The following TTLL7 variants were observed in gnomAD, a reference collection of about 807,000 sequenced individuals.
TTLL7 encodes the protein tubulin polyglutamylase TTLL7.
A neutral mutation model predicts 120.2 loss-of-function variants in TTLL7; 53 were observed. The observed-to-expected ratio is 0.44, with a 90% CI of 0.35 to 0.55. TTLL7 has a LOEUF of 0.55. TTLL7 is among the 20% of genes least tolerant of loss of function. The pLI, the probability that TTLL7 is intolerant of heterozygous loss-of-function variation, is 0.00. For synonymous variants in TTLL7, 353 were observed against 351.7 expected, an observed-to-expected ratio of 1.00 and a Z score of -0.04; for missense variants, 803 against 1,054.7, an observed-to-expected ratio of 0.76 and a Z score of 3.31.
chr1:83,866,328 T>C lies in TTLL7; in HGVS notation c.*3634A>G, dbSNP rs996922136. 1 of 151,900 alleles carries C rather than the reference T, an allele frequency of 6.6e-6. No individual in the cohort carries two copies. The highest frequency in any genetic ancestry group is 1.5e-5 in the Non-Finnish European group (1 of 67,786). The allele number at this position is 151,900 out of a possible 1,614,324, so 9.4% of individuals were successfully genotyped here. On this transcript the variant is annotated 3_prime_UTR_variant, in exon 21 of 21. Coordinates refer to ENST00000260505, the MANE Select transcript of TTLL7 (RefSeq NM_024686.6). ...AAAGAAATTTTTTAACTATTAGTAC[T>C]TTGACATGCTAAAGAAGAACGTATT...
intron 14 of TTLL7, among the ~76,000 whole-genome samples, chr1:83,914,602 T>A (rs1029865762): frequency 6.6e-6 from 1 of 152,114 alleles, no homozygotes; most frequent in Non-Finnish European, 1.5e-5. Context: ...AGTGCTGGGA[T>A]TAGAGGCGTG....
chr1:83,948,797 A>C, intron 4 of TTLL7, 102 bp from the exon 5 acceptor site: 1 of 740,948 alleles, frequency 1.3e-6, no homozygotes, highest in South Asian at 2.1e-5. Flanking sequence ...ATGTTTTAAT[A>C]AACTGCCAAT....
intron 1 of TTLL7, among the ~76,000 whole-genome samples, chr1:83,966,226 A>G (rs990575970): frequency 2.0e-5 from 3 of 152,062 alleles, no homozygotes; most frequent in African/African-American, 7.2e-5. Context: ...TCTGCCTCAC[A>G]CCATCTTTTG....
chr1:83,918,822 G>A (rs1658405088), intron 13 of TTLL7, among the ~76,000 whole-genome samples: 2 of 152,122 alleles, frequency 1.3e-5, no homozygotes. Context: ...GCAGAGATGA[G>A]TGGCCATTTT....
At position 83,907,589 on chromosome 1, in the gene TTLL7, G is replaced by A. The variant is rs1657308931; in HGVS notation, c.1859C>T (p.Pro620Leu). The A allele has an allele frequency of 6.2e-7, 1 of 1,613,228 alleles. No homozygotes were observed. The change falls in exon 16 of 21, where the codon CCA becomes CTA. Residue 620 changes from proline (P) to leucine (L), a missense_variant. Coordinates refer to ENST00000260505, the MANE Select transcript of TTLL7 (RefSeq NM_024686.6). Reference sequence around the variant, plus strand: ...AGATATCATTTGTTGAGCAGAAAATGGGCGGGTGTCCCCACTGGAAGGTGA... The same window carrying A: ...AGATATCATTTGTTGAGCAGAAAATAGGCGGGTGTCCCCACTGGAAGGTGA... ...AQSPSSGDTRPFSAQQMISVS... is the reference protein window; with the variant it reads ...AQSPSSGDTRLFSAQQMISVS...
chr1:83,998,762 A>G (rs961229264), intron 1 of TTLL7, among the ~76,000 whole-genome samples, 169 bp downstream of exon 1: 1 of 151,990 alleles, frequency 6.6e-6, no homozygotes, highest in Non-Finnish European at 1.5e-5. Context: ...GTGCTGAATC[A>G]TTTGCACGAA....
chr1:83,945,020 A>G (rs1475759051), intron 6 of TTLL7, among the ~76,000 whole-genome samples: 4 of 152,210 alleles, frequency 2.6e-5, no homozygotes, highest in African/African-American at 9.6e-5. Context: ...AAAAGAAATG[A>G]CAAGGGAATT....
chr1:83,882,048 T>C (rs1282745670), intron 20 of TTLL7, among the ~76,000 whole-genome samples: 1 of 125,344 alleles, frequency 8.0e-6, no homozygotes, highest in East Asian at 2.4e-4. Context: ...TGAGAACACA[T>C]GGACACAGGA....
At chr1:83,884,101 A>T (rs1460912891) in intron 19 of TTLL7, among the ~76,000 whole-genome samples, 3 of 151,722 alleles carry the variant, frequency 2.0e-5, no homozygotes, top group African/African-American at 7.3e-5. Context: ...GGTTTATATC[A>T]GGAAACACCT....
intron 18 of TTLL7, among the ~76,000 whole-genome samples, chr1:83,892,928 G>GAAAGAAA (rs1553129437): frequency 9.7e-6 from 1 of 102,714 alleles, no homozygotes; most frequent in Non-Finnish European, 1.8e-5. Flanking sequence ...GAAAGAAAAA[G>GAAAGAAA]AGAAAGAAAG....
At chr1:83,923,419 A>G (rs1658848028) in intron 10 of TTLL7, among the ~76,000 whole-genome samples, 1 of 152,074 alleles carries the variant, frequency 6.6e-6, no homozygotes, top group Non-Finnish European at 1.5e-5. Flanking sequence ...GGAGATGAAA[A>G]TAAAGAAAGA....
chr1:83,968,368 T>C (rs994142494), intron 1 of TTLL7, among the ~76,000 whole-genome samples: 4 of 151,998 alleles, frequency 2.6e-5, no homozygotes, highest in Non-Finnish European at 5.9e-5. Context: ...ACCAAGAAGA[T>C]AAGAACTGTA....
At chr1:83,991,666 T>A (rs1300375440) in intron 1 of TTLL7, among the ~76,000 whole-genome samples, 1 of 151,878 alleles carries the variant, frequency 6.6e-6, no homozygotes, top group African/African-American at 2.4e-5. Flanking sequence ...ATATATATAT[T>A]AAAAATAATG....
rs376090236 is a variant in TTLL7, at chr1:83,883,099, C to A, written c.2407G>T (p.Val803Leu). ...WESIFNKSPE[V>L]VTPLQLQCCQ... Reference sequence around the variant, plus strand: ...CACTGGAGCTGCAAAGGAGTCACCACCTCCGGGCTTTTATTGAATATACTC... The same window carrying A: ...CACTGGAGCTGCAAAGGAGTCACCAACTCCGGGCTTTTATTGAATATACTC... Residue 803 changes from valine (V) to leucine (L), a missense_variant, in exon 20 of 21, where the codon GTG becomes TTG. This residue lies in a region of TTLL7 where 388 missense variants were observed against 450.4 expected (regional missense o/e 0.86). Transcript: ENST00000260505. The A allele has an allele frequency of 5.0e-6, 8 of 1,610,396 alleles. No individual in the cohort carries two copies. The South Asian group carries it at 8.8e-5, about 18-fold the overall frequency.
At chr1:83,971,961 G>A (rs1050900236) in intron 1 of TTLL7, among the ~76,000 whole-genome samples, 3 of 147,924 alleles carry the variant, frequency 2.0e-5, no homozygotes, top group Non-Finnish European at 4.6e-5. Flanking sequence ...TAATTTTTAA[G>A]AGCAGTTATA....
intron 19 of TTLL7, chr1:83,889,905 G>A (rs1457636339): frequency 4.4e-6 from 2 of 457,118 alleles, no homozygotes; most frequent in East Asian, 6.9e-5. Flanking sequence ...AGCCAAGAAA[G>A]GAAGCCATTT....
chr1:83,981,632 A>G (rs1651963080), intron 1 of TTLL7: 1 of 152,374 alleles, frequency 6.6e-6, no homozygotes, highest in Non-Finnish European at 1.5e-5. Context: ...GATCGAGACC[A>G]TCCTGGCTAA....
intron 18 of TTLL7, among the ~76,000 whole-genome samples, chr1:83,893,397 T>A (rs34076535): frequency 1.5e-4 from 23 of 151,316 alleles, no homozygotes; most frequent in Admixed American, 1.3e-3. Flanking sequence ...GAAAAAAAAA[T>A]GAACACCAAA....
intron 1 of TTLL7, among the ~76,000 whole-genome samples, chr1:83,971,777 A>T (rs1015719040): frequency 2.0e-5 from 3 of 152,030 alleles, no homozygotes; most frequent in African/African-American, 7.2e-5. Context: ...TGCTAGTAAT[A>T]AACTCCCCAC....
Sources: gnomAD v4.1 joint callset for allele counts (sites outside exome capture counted in the v4.1 genomes callset) on GRCh38, gnomAD v4.1.1 for gene constraint, gnomAD v4.1.1 regional missense constraint, MANE v1.5 for transcripts, NCBI Gene and HGNC (gene_info 2026-07-23, HGNC 2026-07-21) for gene names.